VPS13B: variants seen among roughly 807,000 people sequenced by gnomAD.
VPS13B encodes intermembrane lipid transfer protein VPS13B.
A neutral mutation model predicts 426.4 loss-of-function variants in VPS13B; 285 were observed. That is an observed-to-expected ratio of 0.67 (90% CI 0.61 to 0.74). The LOEUF (loss-of-function observed/expected upper bound fraction) is 0.74, where lower values mean the gene tolerates loss of function less well. VPS13B is among the 30% of genes least tolerant of loss of function. VPS13B has a pLI of 0.00. For synonymous variants in VPS13B, 1,676 were observed against 1,676.4 expected (o/e 1.00, Z 0.01); for missense variants, 4,537 against 4,782.6 (o/e 0.95, Z 1.51).
chr8:99,810,382 C>G (rs1813636274), intron 44 of VPS13B, among the ~76,000 whole-genome samples: 1 of 152,190 alleles, frequency 6.6e-6, no homozygotes. Context: ...AGCACTTAGT[C>G]CCTGGAAAAG....
chr8:99,442,772 C>A (rs1244506985), intron 23 of VPS13B, 137 bp downstream of exon 23: 5 of 775,246 alleles, frequency 6.4e-6, no homozygotes, highest in Non-Finnish European at 1.1e-5. Flanking sequence ...AGTAAGTGAA[C>A]TAAGTGATGC....
chr8:99,612,396 A>C (rs1471487485), intron 33 of VPS13B, among the ~76,000 whole-genome samples: 2 of 152,212 alleles, frequency 1.3e-5, no homozygotes, highest in Non-Finnish European at 2.9e-5. Flanking sequence ...GGTGAAATAA[A>C]GTCTCTCTTA....
At chr8:99,310,297 C>G (rs1820883015) in intron 19 of VPS13B, among the ~76,000 whole-genome samples, 1 of 152,136 alleles carries the variant, frequency 6.6e-6, no homozygotes, top group South Asian at 2.1e-4. Flanking sequence ...TTTGCCCATT[C>G]AGTATGATAT....
In VPS13B at chr8:99,699,943, G is replaced by GA; in HGVS notation, c.6454+15dup. ...CACAAAAAGTACCTGGTAAGTCACA[G>GA]AAAAGGGGAGGGGGGAGACAGAACA... is the stretch of plus-strand genomic sequence containing the variant. On this transcript the variant is annotated intron_variant, in intron 36 of 61. Coordinates refer to ENST00000357162, the MANE Select transcript of VPS13B (RefSeq NM_152564.5). 2 of 1,612,610 alleles carry GA rather than the reference G, an allele frequency of 1.2e-6. No individual in the cohort carries two copies. The highest frequency in any genetic ancestry group is 1.7e-6 in the Non-Finnish European group (2 of 1,179,604).
intron 25 of VPS13B, among the ~76,000 whole-genome samples, chr8:99,482,761 A>G (rs1009539524): frequency 6.6e-6 from 1 of 152,172 alleles, no homozygotes; most frequent in African/African-American, 2.4e-5. Flanking sequence ...AACATTTTAT[A>G]AACAGGATTT....
chr8:99,867,964 T>G (rs1817189171), intron 58 of VPS13B: 1 of 364,908 alleles, frequency 2.7e-6, no homozygotes, highest in South Asian at 2.2e-5. Context: ...AGCTCCTCTC[T>G]CTCAACTTTG....
In VPS13B at chr8:99,511,414, A is replaced by G. The variant is rs1821780332; in HGVS notation, c.4535A>G (p.His1512Arg). The stretch of plus-strand genomic sequence containing the variant: ...TCTCCTGGTCAGCCCATGAGGACCC[A>G]TACACTGACATCCCGCAATTTACCT... ...RKSPGQPMRT[H>R]TLTSRNLPLI... Residue 1512 changes from histidine to arginine, a missense_variant, in exon 29 of 62, where the codon CAT becomes CGT. Physicochemically the swap from His to Arg is conservative, Grantham distance 29. This residue lies in a region of VPS13B where 4,311 missense variants were observed against 4,474.3 expected (regional missense o/e 0.96). Coordinates refer to ENST00000357162, the MANE Select transcript of VPS13B (RefSeq NM_152564.5). 3 of 1,613,770 alleles carry G rather than the reference A, an allele frequency of 1.9e-6. No homozygotes were observed. The highest frequency in any genetic ancestry group is 2.2e-5 in the East Asian group (1 of 44,826).
chr8:99,112,275 T>C (rs1053821073), intron 6 of VPS13B, among the ~76,000 whole-genome samples: 5 of 152,188 alleles, frequency 3.3e-5, no homozygotes, highest in Non-Finnish European at 5.9e-5. Context: ...CCTCTGACTG[T>C]CAAAGTTCTG....
At chr8:99,269,874 T>C (rs1818484328) in intron 17 of VPS13B, among the ~76,000 whole-genome samples, 1 of 152,092 alleles carries the variant, frequency 6.6e-6, no homozygotes, top group Non-Finnish European at 1.5e-5. Flanking sequence ...CTCTATTTGA[T>C]ATCAATGTCT....
At chr8:99,367,567 C>A (rs988459194) in intron 19 of VPS13B, among the ~76,000 whole-genome samples, 1 of 152,126 alleles carries the variant, frequency 6.6e-6, no homozygotes, top group East Asian at 1.9e-4. Context: ...CGTTACTATC[C>A]TTTTGAGTAA....
At chr8:99,697,114 C>A in intron 35 of VPS13B, 1 of 523,920 alleles carries the variant, frequency 1.9e-6, no homozygotes, top group South Asian at 1.9e-5. Flanking sequence ...AAACTCTTGC[C>A]AGCTGACCAG....
At chr8:99,766,440 T>A (rs1811230484) in intron 39 of VPS13B, among the ~76,000 whole-genome samples, 1 of 152,214 alleles carries the variant, frequency 6.6e-6, no homozygotes, top group Non-Finnish European at 1.5e-5. Context: ...TCTGCTATTT[T>A]ATTCTTTTAA....
At chr8:99,791,690 G>A (rs1382901354) in intron 43 of VPS13B, among the ~76,000 whole-genome samples, 2 of 127,608 alleles carry the variant, frequency 1.6e-5, no homozygotes. Context: ...ATATTTCTGT[G>A]AATAACAGCA....
chr8:99,861,657 A>C, intron 57 of VPS13B, 119 bp from the exon 58 acceptor site: 1 of 1,330,332 alleles, frequency 7.5e-7, no homozygotes, highest in Non-Finnish European at 1.1e-6. Flanking sequence ...AGCCACCATC[A>C]CTTGCCACTG....
At chr8:99,692,906 A>G (rs1331129961) in intron 35 of VPS13B, among the ~76,000 whole-genome samples, 1 of 149,398 alleles carries the variant, frequency 6.7e-6, no homozygotes, top group East Asian at 2.0e-4. Flanking sequence ...ATCAGAGAAT[A>G]CTACAAACAC....
At chr8:99,415,644 A>G (rs1327701544) in intron 21 of VPS13B, among the ~76,000 whole-genome samples, 2 of 151,882 alleles carry the variant, frequency 1.3e-5, no homozygotes, top group Non-Finnish European at 2.9e-5. Flanking sequence ...TTTCTGTTTG[A>G]TAGTTTTCCT....
At chr8:99,416,848 G>C (rs1260489376) in intron 21 of VPS13B, among the ~76,000 whole-genome samples, 1 of 152,164 alleles carries the variant, frequency 6.6e-6, no homozygotes, top group Non-Finnish European at 1.5e-5. Flanking sequence ...CTGCAGACCT[G>C]TGCTGTTCCT....
intron 3 of VPS13B, among the ~76,000 whole-genome samples, chr8:99,055,018 C>G (rs1843758522): frequency 6.8e-6 from 1 of 146,010 alleles, no homozygotes; most frequent in African/African-American, 2.5e-5. Flanking sequence ...AATAAGCTTC[C>G]TATTTTGTAT....
intron 3 of VPS13B, among the ~76,000 whole-genome samples, chr8:99,060,038 G>A (rs1488522976): frequency 3.3e-5 from 5 of 152,002 alleles, no homozygotes; most frequent in Admixed American, 2.6e-4. Context: ...GCAGGCCAAG[G>A]TTTAGCTTCT....
Sources: gnomAD v4.1 joint callset for allele counts (sites outside exome capture counted in the v4.1 genomes callset) on GRCh38, gnomAD v4.1.1 for gene constraint, gnomAD v4.1.1 regional missense constraint, MANE v1.5 for transcripts, NCBI Gene and HGNC (gene_info 2026-07-23, HGNC 2026-07-21) for gene names.